The following CCDC179 variants were observed in gnomAD, a reference collection of about 807,000 sequenced individuals.
CCDC179 encodes the protein coiled-coil domain-containing protein 179.
Under a neutral mutation model 12.0 loss-of-function variants are expected in CCDC179, and 17 were observed. That is an observed-to-expected ratio of 1.42 (90% CI 0.97 to 2.13). The LOEUF is 2.13. CCDC179 is among the 30% of genes most tolerant of loss of function. The pLI, the probability that CCDC179 is intolerant of heterozygous loss-of-function variation, is 0.00. For synonymous variants in CCDC179, 27 were observed against 26.4 expected, an observed-to-expected ratio of 1.02 and a Z score of -0.07; for missense variants, 83 against 78.6, an observed-to-expected ratio of 1.06 and a Z score of -0.21.
chr11:22,850,469 A>G (rs956979954), intron 3 of CCDC179, among the ~76,000 whole-genome samples: 6 of 152,148 alleles, frequency 3.9e-5, no homozygotes, highest in Admixed American at 3.3e-4. Context: ...CATATACCAG[A>G]TTTTCTTTAT....
intron 1 of CCDC179, among the ~76,000 whole-genome samples, chr11:22,860,107 C>T (rs1858627564): frequency 6.6e-6 from 1 of 152,174 alleles, no homozygotes; most frequent in Admixed American, 6.5e-5. Flanking sequence ...CTGTAATTTC[C>T]ACTCCACCTC....
chr11:22,851,360 A>G (rs1858400468), intron 3 of CCDC179, among the ~76,000 whole-genome samples: 1 of 152,122 alleles, frequency 6.6e-6, no homozygotes, highest in Non-Finnish European at 1.5e-5. Flanking sequence ...AGGAAGTTAC[A>G]GAAAGATAAT....
rs1490687218 is a variant in CCDC179 at position 22,860,345 on chromosome 11, AGAGTT to A, written c.45+27_45+31del. 9 of 1,534,298 alleles carry A rather than the reference AGAGTT, an allele frequency of 5.9e-6. No individual in the cohort carries two copies. The African/African-American group carries it at 1.1e-4, about 19-fold the overall frequency. ...AGCTCAAGGCACAGGACAGAGTGGC[AGAGTT>A]GAGGTTGTAGGCCCCAGCAGACTCA... On this transcript the variant is annotated intron_variant, in intron 1 of 3. Coordinates refer to ENST00000532798, the MANE Select transcript of CCDC179 (RefSeq NM_001195637.2).
At chr11:22,847,714 G>A (rs1397495833) in intron 3 of CCDC179, among the ~76,000 whole-genome samples, 193 bp from the exon 4 acceptor site, 1 of 152,072 alleles carries the variant, frequency 6.6e-6, no homozygotes, top group Non-Finnish European at 1.5e-5. Flanking sequence ...TCAGATAGAA[G>A]CCAGATACAA....
intron 3 of CCDC179, among the ~76,000 whole-genome samples, chr11:22,848,348 G>A (rs191236838): frequency 6.6e-6 from 1 of 152,134 alleles, no homozygotes; most frequent in African/African-American, 2.4e-5. Context: ...GAAGGCCGAG[G>A]CAGGAGAATT....
intron 3 of CCDC179, among the ~76,000 whole-genome samples, chr11:22,851,923 T>C (rs1318234271): frequency 2.0e-5 from 3 of 152,094 alleles, no homozygotes; most frequent in East Asian, 3.8e-4. Context: ...AGAACAATCT[T>C]TTTTTTTGCT....
At chr11:22,854,983 T>C (rs1858500568) in intron 3 of CCDC179, among the ~76,000 whole-genome samples, 1 of 151,690 alleles carries the variant, frequency 6.6e-6, no homozygotes, top group Admixed American at 6.6e-5. Flanking sequence ...GGACATTACA[T>C]AATAATAATG....
At chr11:22,858,170 C>A in intron 2 of CCDC179, 144 bp from the exon 3 acceptor site, 3 of 500,352 alleles carry the variant, frequency 6.0e-6, no homozygotes, top group Non-Finnish European at 1.1e-5. Context: ...AGAAATAGGG[C>A]GAAAAATCTC....
chr11:22,854,472 A>G (rs574980164), intron 3 of CCDC179, among the ~76,000 whole-genome samples: 1 of 151,972 alleles, frequency 6.6e-6, no homozygotes, highest in East Asian at 1.9e-4. Flanking sequence ...CATTACCCAT[A>G]AAGTAGTATA....
chr11:22,854,445 A>G (rs1858489171), intron 3 of CCDC179, among the ~76,000 whole-genome samples: 1 of 151,820 alleles, frequency 6.6e-6, no homozygotes, highest in Non-Finnish European at 1.5e-5. Context: ...TGGGAATACT[A>G]TGTCAAAAGG....
intron 3 of CCDC179, among the ~76,000 whole-genome samples, chr11:22,850,968 A>ATT (rs1564915113): frequency 1.3e-3 from 9 of 6,674 alleles, no homozygotes; most frequent in Non-Finnish European, 3.0e-3. Context: ...ATATATATAT[A>ATT]TATATATATT....
Position 22,847,399 on chromosome 11 carries a change from G to A in CCDC179, c.*111C>T, listed in dbSNP as rs866984226. ...ACTGTGTTTATTTTTCCGAAATGGT[G>A]GAGTATTGCATTTATTTTGTGGATG... On this transcript the variant is annotated 3_prime_UTR_variant, in exon 4 of 4. Transcript: ENST00000532798. The A allele has an allele frequency of 1.7e-6, 1 of 584,504 alleles. No homozygotes were observed. Among genetic ancestry groups the A allele is most frequent in the Middle Eastern group, 3.3e-4 (1 of 3,060 alleles). 36.2% of individuals were successfully genotyped at this position (584,504 alleles called of 1,614,324 possible).
chr11:22,849,490 A>C lies in CCDC179; in HGVS notation c.196-1969T>G, dbSNP rs1266399832. Among the ~76,000 whole-genome samples the C allele has an allele frequency of 2.0e-5, 3 of 152,162 alleles. No homozygotes were observed. The East Asian group carries it at 5.8e-4, about 29-fold the overall frequency. On this transcript the variant is annotated intron_variant, in intron 3 of 3. Transcript: ENST00000532798. ...AAAACATCTGGGACTTCAAGAAAAA[A>C]AGGGGGAGCTTTTTTCAGTTTATAG...
intron 2 of CCDC179, among the ~76,000 whole-genome samples, chr11:22,858,551 T>G (rs985687729): frequency 6.7e-6 from 1 of 149,930 alleles, no homozygotes; most frequent in African/African-American, 2.4e-5. Flanking sequence ...AACTTTTTTA[T>G]CCACTTCCAG....
rs187436489 is a variant in CCDC179 at position 22,858,674 on chromosome 11, C to T, written c.91-648G>A. 3.0e-3 allele frequency among the ~76,000 whole-genome samples: 461 copies of T among 152,044 alleles called. 2 individuals are homozygous for T. The highest frequency in any genetic ancestry group is 0.011 in the African/African-American group (443 of 41,522). On this transcript the variant is annotated intron_variant, in intron 2 of 3. Coordinates refer to ENST00000532798, the MANE Select transcript of CCDC179 (RefSeq NM_001195637.2). ...AAAACAGTGTGGCACTACTTTCTAACAATAAAAAATTTGCTTTTCCTATGA... is the reference window on the plus strand; with the variant it reads ...AAAACAGTGTGGCACTACTTTCTAATAATAAAAAATTTGCTTTTCCTATGA...
intron 3 of CCDC179, among the ~76,000 whole-genome samples, chr11:22,856,357 C>T (rs1440338404): frequency 2.6e-5 from 4 of 151,424 alleles, no homozygotes; most frequent in African/African-American, 9.7e-5. Context: ...GCTGTTTCAA[C>T]ATCTTAAAAT....
rs1858574004 is a variant in CCDC179 at position 22,858,235 on chromosome 11, G to A, written c.91-209C>T. The A allele has an allele frequency of 4.9e-5, 18 of 368,120 alleles. No individual in the cohort carries two copies. In the South Asian group the frequency reaches 1.1e-3, roughly 22 times the overall value. 22.8% of individuals were successfully genotyped at this position (368,120 alleles called of 1,614,324 possible). On this transcript the variant is annotated intron_variant, in intron 2 of 3. Transcript: ENST00000532798. ...AGAAAACCACATTGGAGCATCAGTA[G>A]GGTTTTCAAATAAGACTATTCTTGA... is the stretch of plus-strand genomic sequence containing the variant.
chr11:22,857,832 GA>G (rs2134850346), intron 3 of CCDC179, 89 bp downstream of exon 3: 1 of 622,972 alleles, frequency 1.6e-6, no homozygotes. Context: ...AAGGGAAAAA[GA>G]AAATTTATAG....
chr11:22,846,924 TAG>T lies in CCDC179; in HGVS notation c.*584_*585del, dbSNP rs1428480300. ...TAAGTATTATAGTTAAGAAAGATTT[TAG>T]AGAGTCAGCAATAATTATAATTTAT... On this transcript the variant is annotated 3_prime_UTR_variant, in exon 4 of 4. Coordinates refer to ENST00000532798, the MANE Select transcript of CCDC179 (RefSeq NM_001195637.2). The T allele has an allele frequency of 4.6e-5, 7 of 152,120 alleles. No homozygotes were observed. Among genetic ancestry groups the T allele is most frequent in the African/African-American group, 7.2e-5 (3 of 41,438 alleles). The allele number at this position is 152,120 out of a possible 1,614,324, so 9.4% of individuals were successfully genotyped here. A position where few individuals can be genotyped will look rare whatever the true frequency, so the allele number is the denominator to read the frequency against.
Sources: gnomAD v4.1 joint callset for allele counts (sites outside exome capture counted in the v4.1 genomes callset) on GRCh38, gnomAD v4.1.1 for gene constraint, MANE v1.5 for transcripts, NCBI Gene and HGNC (gene_info 2026-07-23, HGNC 2026-07-21) for gene names.